The following ADAMTSL1 variants were observed in gnomAD, a reference collection of about 807,000 sequenced individuals.
The protein encoded by ADAMTSL1 is ADAMTS-like protein 1.
A neutral mutation model predicts 201.8 loss-of-function variants in ADAMTSL1; 126 were observed. The ratio of observed to expected loss-of-function variants is 0.62; its 90% CI spans 0.54 to 0.72. The LOEUF (loss-of-function observed/expected upper bound fraction) is 0.72, where lower values mean the gene tolerates loss of function less well. ADAMTSL1 is among the 30% of genes least tolerant of loss of function. ADAMTSL1 has a pLI of 0.00. For missense variants in ADAMTSL1, 2,679 were observed against 2,277.8 expected (o/e 1.18, Z -3.59); for synonymous variants, 1,121 against 903.4 (o/e 1.24, Z -4.32).
At chr9:18,724,462 A>G (rs1435019420) in intron 15 of ADAMTSL1, among the ~76,000 whole-genome samples, 2 of 152,238 alleles carry the variant, frequency 1.3e-5, no homozygotes, top group Non-Finnish European at 2.9e-5. Context: ...ATACCTGGTT[A>G]TTCACAATAG....
At chr9:18,850,949 T>A (rs1257006867) in intron 23 of ADAMTSL1, among the ~76,000 whole-genome samples, 7 of 152,234 alleles carry the variant, frequency 4.6e-5, no homozygotes, top group African/African-American at 1.2e-4. Context: ...CCATATGCAA[T>A]GTGCCCAGTT....
At chr9:18,259,566 A>G (rs898050917) in intron 2 of ADAMTSL1, among the ~76,000 whole-genome samples, 5 of 151,238 alleles carry the variant, frequency 3.3e-5, no homozygotes, top group Middle Eastern at 3.5e-3. Context: ...TAATGTGCTC[A>G]GGTAGTACAG....
At chr9:18,724,513 A>T (rs1817750298) in intron 15 of ADAMTSL1, among the ~76,000 whole-genome samples, 1 of 152,160 alleles carries the variant, frequency 6.6e-6, no homozygotes, top group Admixed American at 6.5e-5. Context: ...GACTGTTCCA[A>T]TTTGTGTGTT....
At chr9:18,204,639 C>A (rs551488112) in intron 2 of ADAMTSL1, among the ~76,000 whole-genome samples, 10 of 152,136 alleles carry the variant, frequency 6.6e-5, no homozygotes, top group African/African-American at 2.4e-4. Context: ...CACTATAATA[C>A]CAAACAAAAA....
intron 1 of ADAMTSL1, among the ~76,000 whole-genome samples, chr9:18,498,858 G>T (rs74840377): frequency 6.6e-6 from 1 of 152,162 alleles, no homozygotes; most frequent in East Asian, 1.9e-4. Context: ...GATTAAATAC[G>T]ATCATTTGTC....
intron 2 of ADAMTSL1, among the ~76,000 whole-genome samples, chr9:18,346,765 A>G (rs962360555): frequency 1.3e-5 from 2 of 152,130 alleles, no homozygotes; most frequent in Non-Finnish European, 2.9e-5. Context: ...TAACAAGAAA[A>G]CAGAGGAAGA....
intron 2 of ADAMTSL1, among the ~76,000 whole-genome samples, chr9:18,340,745 G>A (rs1835435662): frequency 6.6e-6 from 1 of 152,080 alleles, no homozygotes; most frequent in Admixed American, 6.6e-5. Context: ...GCTCTCTCTT[G>A]CCTGCTGCCA....
At chr9:18,287,921 A>G (rs1056880655) in intron 2 of ADAMTSL1, among the ~76,000 whole-genome samples, 2 of 152,182 alleles carry the variant, frequency 1.3e-5, no homozygotes, top group African/African-American at 2.4e-5. Context: ...GTAATTAATG[A>G]TAAGCTCAGC....
chr9:18,643,504 T>C (rs1022096635), intron 7 of ADAMTSL1, among the ~76,000 whole-genome samples: 1 of 152,052 alleles, frequency 6.6e-6, no homozygotes, highest in African/African-American at 2.4e-5. Flanking sequence ...AATTGCAGAT[T>C]GTCACCTATG....
intron 2 of ADAMTSL1, among the ~76,000 whole-genome samples, chr9:18,451,041 C>G (rs1820385222): frequency 6.6e-6 from 1 of 152,058 alleles, no homozygotes; most frequent in African/African-American, 2.4e-5. Flanking sequence ...GGTAAGACAC[C>G]AAGGTAAGTT....
intron 2 of ADAMTSL1, among the ~76,000 whole-genome samples, chr9:18,239,387 T>C (rs906265293): frequency 1.3e-5 from 2 of 152,166 alleles, no homozygotes; most frequent in Admixed American, 6.5e-5. Context: ...TTAAGTAATT[T>C]GTTGCCATTT....
chr9:18,213,006 AT>A (rs1226583313), intron 2 of ADAMTSL1, among the ~76,000 whole-genome samples: 2 of 152,218 alleles, frequency 1.3e-5, no homozygotes, highest in Non-Finnish European at 1.5e-5. Flanking sequence ...GGGAACTTCT[AT>A]CTTTAGCCGT....
chr9:18,494,756 G>A (rs140782710), intron 1 of ADAMTSL1, among the ~76,000 whole-genome samples: 2 of 152,206 alleles, frequency 1.3e-5, no homozygotes, highest in East Asian at 1.9e-4. Flanking sequence ...ATAAATCCTC[G>A]CTCCAGAAGT....
intron 4 of ADAMTSL1, among the ~76,000 whole-genome samples, chr9:18,617,148 G>C (rs933066512): frequency 6.6e-6 from 1 of 152,200 alleles, no homozygotes; most frequent in African/African-American, 2.4e-5. Context: ...TTTGATGCTA[G>C]ATTGAGTTCC....
At chr9:18,332,237 T>C (rs928978847) in intron 2 of ADAMTSL1, among the ~76,000 whole-genome samples, 11 of 152,228 alleles carry the variant, frequency 7.2e-5, no homozygotes, top group African/African-American at 2.7e-4. Context: ...TACATAGATG[T>C]AAACATACAC....
rs375369878 is a variant in ADAMTSL1, at chr9:18,817,094, C to A, written c.3806-15C>A. The A allele has an allele frequency of 6.2e-7, 1 of 1,608,056 alleles. No homozygotes were observed. The highest frequency in any genetic ancestry group is 8.5e-7 in the Non-Finnish European group (1 of 1,177,968). On this transcript the variant is annotated splice_polypyrimidine_tract_variant and intron_variant, in intron 20 of 28. Transcript: ENST00000380548. ...TCACCACCAAGTAACATCTCATATTCTTTCTTATCTTCAGGAAAGCCACTA... is the reference window on the plus strand; with the variant it reads ...TCACCACCAAGTAACATCTCATATTATTTCTTATCTTCAGGAAAGCCACTA...
At chr9:18,722,992 T>A in intron 15 of ADAMTSL1, 1 of 777,000 alleles carries the variant, frequency 1.3e-6, no homozygotes, top group South Asian at 1.4e-5. Context: ...CTTTTCTATT[T>A]GACTACAGTC....
chr9:18,661,813 TC>T (rs1185754849), intron 8 of ADAMTSL1, 121 bp from the exon 9 acceptor site: 1 of 1,069,510 alleles, frequency 9.4e-7, no homozygotes, highest in Non-Finnish European at 1.3e-6. Context: ...GTGTCTTTTT[TC>T]CTGGAAATGA....
At chr9:18,558,278 T>G (rs1431691082) in intron 3 of ADAMTSL1, among the ~76,000 whole-genome samples, 1 of 152,104 alleles carries the variant, frequency 6.6e-6, no homozygotes, top group Non-Finnish European at 1.5e-5. Context: ...TCTGTTCTTG[T>G]GTTAGTTTGC....
Sources: gnomAD v4.1 joint callset for allele counts (sites outside exome capture counted in the v4.1 genomes callset) on GRCh38, gnomAD v4.1.1 for gene constraint, MANE v1.5 for transcripts, NCBI Gene and HGNC (gene_info 2026-07-23, HGNC 2026-07-21) for gene names.